Variants in CRLF2 observed in about 807,000 individuals in gnomAD.
CRLF2 encodes cytokine receptor like factor 2.
Under a neutral mutation model 38.7 loss-of-function variants are expected in CRLF2, and 41 were observed. The ratio of observed to expected loss-of-function variants is 1.06; its 90% confidence interval spans 0.83 to 1.37. The LOEUF (loss-of-function observed/expected upper bound fraction) is 1.37, where lower values mean the gene tolerates loss of function less well. Ranked by LOEUF, CRLF2 falls within the 40% of genes most tolerant of loss-of-function variation. The pLI is 0.00. For missense variants in CRLF2, 377 were observed against 322.2 expected, an observed-to-expected ratio of 1.17 and a Z score of -1.30; for synonymous variants, 140 against 128.8, an observed-to-expected ratio of 1.09 and a Z score of -0.59.
At chrX:1,204,897 G>A (rs1447230840) in intron 3 of CRLF2, among the ~76,000 whole-genome samples, 1 of 151,870 alleles carries the variant, frequency 6.6e-6, no homozygotes, top group Non-Finnish European at 1.5e-5. Context: ...GTGGCTCACT[G>A]CAGCCTCTGC....
At chrX:1,197,796 A>G (rs2086515158) in intron 5 of CRLF2, among the ~76,000 whole-genome samples, 2 of 151,718 alleles carry the variant, frequency 1.3e-5, no homozygotes, top group Non-Finnish European at 2.9e-5. Flanking sequence ...CCTGGACCAC[A>G]GACTGAGACT....
chrX:1,200,070 A>T (rs1247932082), intron 4 of CRLF2, among the ~76,000 whole-genome samples: 3 of 108,218 alleles, frequency 2.8e-5, no homozygotes, highest in South Asian at 3.8e-4. Flanking sequence ...AGGTGTGTAT[A>T]TATGTGTATA....
chrX:1,201,728 TA>T (rs2086612360), intron 4 of CRLF2, among the ~76,000 whole-genome samples: 1 of 151,868 alleles, frequency 6.6e-6, no homozygotes, highest in South Asian at 2.1e-4. Flanking sequence ...GGATAGATGA[TA>T]GATGTATAGA....
At chrX:1,195,346 A>G (rs1603394011) in intron 6 of CRLF2, among the ~76,000 whole-genome samples, 1 of 152,110 alleles carries the variant, frequency 6.6e-6, no homozygotes, top group Non-Finnish European at 1.5e-5. Context: ...AGCAAAGACA[A>G]TATTAGATCT....
intron 5 of CRLF2, among the ~76,000 whole-genome samples, chrX:1,197,361 G>A (rs1459506739): frequency 2.0e-5 from 3 of 151,296 alleles, no homozygotes; most frequent in Non-Finnish European, 4.4e-5. Context: ...AAGAGACACC[G>A]TGTCTCTGGA....
chrX:1,199,911 GTATA>G (rs1409524864), intron 4 of CRLF2, among the ~76,000 whole-genome samples: 1 of 103,350 alleles, frequency 9.7e-6, no homozygotes, highest in African/African-American at 3.6e-5. Context: ...GTATATATGT[GTATA>G]TATAAGCTGT....
intron 5 of CRLF2, 132 bp from the exon 6 acceptor site, chrX:1,197,032 C>T (rs1344259758): frequency 2.2e-4 from 146 of 673,556 alleles, no homozygotes; most frequent in African/African-American, 1.4e-3. Context: ...TCTTGGTTCT[C>T]GTTGTTTGTT....
At chrX:1,208,738 C>A in intron 2 of CRLF2, 68 bp downstream of exon 2, 2 of 918,186 alleles carry the variant, frequency 2.2e-6, no homozygotes, top group Non-Finnish European at 3.7e-6. Flanking sequence ...CATTCCCAAT[C>A]GCTGACGGCT....
At chrX:1,194,345 C>T (rs1372462899) in intron 6 of CRLF2, among the ~76,000 whole-genome samples, 11 of 151,886 alleles carry the variant, frequency 7.2e-5, no homozygotes, top group African/African-American at 2.7e-4. Flanking sequence ...GCCTGTAGTC[C>T]CAGCTGCTTG....
intron 6 of CRLF2, 104 bp from the exon 7 acceptor site, chrX:1,193,406 G>A: frequency 2.5e-6 from 1 of 397,316 alleles, no homozygotes; most frequent in Admixed American, 4.4e-5. Flanking sequence ...ACCAAGAATG[G>A]CAGAGCGGGG....
intron 1 of CRLF2, among the ~76,000 whole-genome samples, chrX:1,211,645 A>G (rs1208776371): frequency 2.7e-5 from 3 of 109,196 alleles, no homozygotes; most frequent in Non-Finnish European, 5.4e-5. Context: ...GGATGGATGG[A>G]TGGATGGATA....
chrX:1,196,951 G>T, intron 5 of CRLF2, 51 bp from the exon 6 acceptor site: 1 of 1,570,334 alleles, frequency 6.4e-7, no homozygotes, highest in Non-Finnish European at 8.7e-7. Context: ...ACGTGCGGCT[G>T]TACGTTTTCA....
At chrX:1,211,125 G>A (rs2086789269) in intron 1 of CRLF2, among the ~76,000 whole-genome samples, 2 of 150,258 alleles carry the variant, frequency 1.3e-5, no homozygotes, top group African/African-American at 4.9e-5. Context: ...GGGTGGATGA[G>A]TGAGTCAGTG....
chrX:1,193,083 G>C, intron 7 of CRLF2, 135 bp downstream of exon 7: 1 of 391,006 alleles, frequency 2.6e-6, no homozygotes. Flanking sequence ...AAAGTGCTGG[G>C]ATGACAGGCG....
At chrX:1,198,155 C>CCAG (rs757208360) in intron 5 of CRLF2, among the ~76,000 whole-genome samples, 6 of 76,888 alleles carry the variant, frequency 7.8e-5, no homozygotes, top group Admixed American at 1.5e-4. Flanking sequence ...CCTCCCACCT[C>CCAG]GAAGGCAGGA....
chrX:1,211,826 T>C (rs1358940136), intron 1 of CRLF2, among the ~76,000 whole-genome samples: 4 of 84,880 alleles, frequency 4.7e-5, no homozygotes, highest in African/African-American at 1.4e-4. Flanking sequence ...GATGGATGGA[T>C]AAGTGGATAA....
At position 1,205,138 on chromosome X, in the gene CRLF2, C is replaced by T. The variant is rs138667679; in HGVS notation, c.349+1295G>A. 8.4e-3 allele frequency among the ~76,000 whole-genome samples: 1,273 copies of T among 151,606 alleles called. 18 individuals are homozygous for T. Among genetic ancestry groups the T allele is most frequent in the African/African-American group, 0.029 (1,214 of 41,516 alleles). Reference sequence around the variant, plus strand: ...CACCGCGCCCCGCCTTTAATTCATTCCCTTAAATCACAGTCTCCCGGGGTC... The same window carrying T: ...CACCGCGCCCCGCCTTTAATTCATTTCCTTAAATCACAGTCTCCCGGGGTC... On this transcript the variant is annotated intron_variant, in intron 3 of 7. Coordinates refer to ENST00000400841, the MANE Select transcript of CRLF2 (RefSeq NM_022148.4).
intron 1 of CRLF2, among the ~76,000 whole-genome samples, chrX:1,210,591 T>C (rs1280293736): frequency 6.6e-6 from 1 of 152,182 alleles, no homozygotes; most frequent in Non-Finnish European, 1.5e-5. Context: ...ATTACAGGCA[T>C]GAGCCACAGC....
intron 1 of CRLF2, among the ~76,000 whole-genome samples, chrX:1,209,309 G>GTGTAT (rs1285531475): frequency 7.0e-5 from 10 of 142,640 alleles, no homozygotes; most frequent in African/African-American, 2.9e-4. Context: ...GTGTAGTGTA[G>GTGTAT]TGTAGTGTAG....
Sources: gnomAD v4.1 joint callset for allele counts (sites outside exome capture counted in the v4.1 genomes callset) on GRCh38, gnomAD v4.1.1 for gene constraint, MANE v1.5 for transcripts, NCBI Gene and HGNC (gene_info 2026-07-23, HGNC 2026-07-21) for gene names.